TRMT11: variants seen among roughly 807,000 people sequenced by gnomAD.
The protein encoded by TRMT11 is tRNA methyltransferase 11.
TRMT11 carries 53 observed loss-of-function variants against 62.8 expected under a neutral mutation model. The ratio of observed to expected loss-of-function variants is 0.84; its 90% CI spans 0.68 to 1.06. TRMT11 has a LOEUF of 1.06. Ranked by LOEUF, TRMT11 falls within the 50% of genes least tolerant of loss-of-function variation. TRMT11 has a pLI of 0.00. For missense variants in TRMT11, 556 were observed against 553.4 expected, an observed-to-expected ratio of 1.00 and a Z score of -0.05; for synonymous variants, 188 against 190.3, an observed-to-expected ratio of 0.99 and a Z score of 0.10.
chr6:126,268,812 G>A, the TRMT11 span, among the ~76,000 whole-genome samples: 5 of 152,214 alleles, frequency 3.3e-5, no homozygotes, highest in Non-Finnish European at 7.4e-5. Context: ...AAAATTGGAT[G>A]TATAGGTAAA....
intron 12 of TRMT11, 107 bp downstream of exon 12, chr6:126,021,387 TA>T (rs1299757133): frequency 3.0e-6 from 4 of 1,336,680 alleles, no homozygotes; most frequent in Non-Finnish European, 4.1e-6. Context: ...CTTGATATTT[TA>T]AAAATTACAG....
At chr6:126,201,397 C>T (rs1034320281) in intron 3 of TRMT11, among the ~76,000 whole-genome samples, 1 of 152,190 alleles carries the variant, frequency 6.6e-6, no homozygotes. Context: ...GGAACACAAT[C>T]TTTCATTTGT....
At chr6:126,072,313 A>G (rs148885169) in intron 17 of TRMT11, among the ~76,000 whole-genome samples, 13 of 152,284 alleles carry the variant, frequency 8.5e-5, no homozygotes, top group Admixed American at 2.0e-4. Flanking sequence ...TGATCCTCAT[A>G]TGAATGTAAA....
chr6:125,998,813 G>T lies in TRMT11; in HGVS notation c.522+129G>T, dbSNP rs75202383. 1.8e-5 allele frequency: 15 copies of T among 841,412 alleles called. No individual in the cohort carries two copies. The East Asian group carries it at 3.7e-4, about 21-fold the overall frequency. 52.1% of individuals were successfully genotyped at this position (841,412 alleles called of 1,614,324 possible). On this transcript the variant is annotated intron_variant, in intron 6 of 12. Coordinates refer to ENST00000334379, the MANE Select transcript of TRMT11 (RefSeq NM_001031712.3). ...AGAACTACTGAATGGATTAAAATTG[G>T]TGAAGAGTATGTGATTATGTTTTGT...
chr6:126,136,672 C>G (rs1777853537), intron 21 of TRMT11, among the ~76,000 whole-genome samples: 1 of 151,818 alleles, frequency 6.6e-6, no homozygotes. Context: ...TCTGGCACAG[C>G]TAAGGCAATC....
intron 21 of TRMT11, among the ~76,000 whole-genome samples, chr6:126,124,469 G>A (rs1043098835): frequency 2.0e-5 from 3 of 152,088 alleles, no homozygotes; most frequent in South Asian, 2.1e-4. Flanking sequence ...ATCCTTTGCT[G>A]TGAGACTGCT....
intron 17 of TRMT11, among the ~76,000 whole-genome samples, chr6:126,061,277 G>A (rs761153126): frequency 3.9e-5 from 6 of 152,168 alleles, no homozygotes; most frequent in Non-Finnish European, 7.4e-5. Flanking sequence ...GTTACAATCT[G>A]GGAAATATGG....
intron 12 of TRMT11, among the ~76,000 whole-genome samples, chr6:126,026,799 T>TG (rs1008055415): frequency 1.4e-5 from 2 of 147,522 alleles, no homozygotes; most frequent in African/African-American, 5.3e-5. Context: ...TGTGGTTTTT[T>TG]GGGTTTTTTT....
intron 17 of TRMT11, among the ~76,000 whole-genome samples, chr6:126,068,228 A>T (rs1436137838): frequency 6.6e-6 from 1 of 152,012 alleles, no homozygotes; most frequent in Non-Finnish European, 1.5e-5. Flanking sequence ...CTTGTATTAT[A>T]GCTTTTTACT....
chr6:126,211,726 C>T, the TRMT11 span, among the ~76,000 whole-genome samples: 1 of 151,848 alleles, frequency 6.6e-6, no homozygotes, highest in Non-Finnish European at 1.5e-5. Context: ...ATGTAATAAT[C>T]ACATCAGGTT....
intron 16 of TRMT11, among the ~76,000 whole-genome samples, chr6:126,046,400 TA>T (rs1417716416): frequency 1.3e-5 from 2 of 152,172 alleles, no homozygotes; most frequent in Non-Finnish European, 2.9e-5. Context: ...GAATTTCATT[TA>T]TTTGAGCTCC....
intron 17 of TRMT11, among the ~76,000 whole-genome samples, chr6:126,062,390 T>A (rs1776560969): frequency 1.3e-5 from 2 of 152,254 alleles, no homozygotes. Context: ...TTACAGGTTT[T>A]CTCCCTTGCC....
chr6:126,250,796 A>G, the TRMT11 span, among the ~76,000 whole-genome samples: 1 of 152,202 alleles, frequency 6.6e-6, no homozygotes. Flanking sequence ...GCAGGGAAGT[A>G]TCAGTGGGCT....
At chr6:125,987,431 C>G (rs912722586) in intron 1 of TRMT11, among the ~76,000 whole-genome samples, 1 of 152,114 alleles carries the variant, frequency 6.6e-6, no homozygotes, top group Non-Finnish European at 1.5e-5. Context: ...AAGAAGAGAG[C>G]AAGGGAAGTA....
chr6:126,036,069 C>T (rs1162043888), intron 12 of TRMT11, among the ~76,000 whole-genome samples: 1 of 152,010 alleles, frequency 6.6e-6, no homozygotes, highest in Non-Finnish European at 1.5e-5. Context: ...TACTGCAGTT[C>T]TAGAATATTC....
chr6:126,134,598 CAACA>C (rs142235584), intron 21 of TRMT11, among the ~76,000 whole-genome samples: 2,944 of 151,866 alleles, frequency 0.019, 79 homozygotes, highest in African/African-American at 0.065. Flanking sequence ...GCCAGAAAAT[CAACA>C]AACAAACATT....
intron 16 of TRMT11, among the ~76,000 whole-genome samples, chr6:126,050,573 C>G (rs893699870): frequency 3.9e-5 from 6 of 151,974 alleles, no homozygotes; most frequent in Admixed American, 3.9e-4. Context: ...GTGGCACATG[C>G]CTGTAGTGCT....
chr6:126,033,428 G>C (rs1272756971), intron 12 of TRMT11, among the ~76,000 whole-genome samples: 2 of 152,034 alleles, frequency 1.3e-5, no homozygotes, highest in Non-Finnish European at 2.9e-5. Flanking sequence ...TTTTAATGCT[G>C]TATTTTTGAT....
chr6:126,034,891 TTGCAGATATTCC>T (rs1774878607), intron 12 of TRMT11, among the ~76,000 whole-genome samples: 1 of 151,944 alleles, frequency 6.6e-6, no homozygotes. Context: ...AAAAAACAAC[TTGCAGATATTCC>T]TGGTTGAGAC....
Sources: gnomAD v4.1 joint callset for allele counts (sites outside exome capture counted in the v4.1 genomes callset) on GRCh38, gnomAD v4.1.1 for gene constraint, MANE v1.5 for transcripts, NCBI Gene and HGNC (gene_info 2026-07-23, HGNC 2026-07-21) for gene names.